Variants in EML6 observed in about 807,000 individuals in gnomAD.
EML6 encodes echinoderm microtubule-associated protein-like 6.
Under a neutral mutation model 240.1 loss-of-function variants are expected in EML6, and 154 were observed. That is an observed-to-expected ratio of 0.64 (90% CI 0.56 to 0.73). The LOEUF (loss-of-function observed/expected upper bound fraction) is 0.73. Among genes scored for constraint, EML6 ranks in the 30% least tolerant of loss-of-function variants. The probability of loss-of-function intolerance (pLI) is 0.00; values close to 1 mark genes in which losing one functional copy is unlikely to be tolerated. For missense variants in EML6, 2,964 were observed against 2,474.6 expected (o/e 1.20, Z -4.20); for synonymous variants, 1,148 against 899.0 (o/e 1.28, Z -4.95).
chr2:54,825,234 C>G (rs1431051907), intron 5 of EML6, among the ~76,000 whole-genome samples: 1 of 152,162 alleles, frequency 6.6e-6, no homozygotes, highest in Non-Finnish European at 1.5e-5. Context: ...AGGGAACTGT[C>G]TGCCTTAAGC....
intron 17 of EML6, among the ~76,000 whole-genome samples, chr2:54,885,902 C>A (rs772117195): frequency 6.6e-6 from 1 of 152,126 alleles, no homozygotes; most frequent in Non-Finnish European, 1.5e-5. Flanking sequence ...TGAGCCACCA[C>A]GTCCAGCCCA....
At chr2:54,897,371 G>C (rs1178728555) in intron 21 of EML6, among the ~76,000 whole-genome samples, 1 of 152,080 alleles carries the variant, frequency 6.6e-6, no homozygotes, top group African/African-American at 2.4e-5. Context: ...ATCATATATT[G>C]AGCACCTACT....
At chr2:54,777,264 GT>G (rs1189046459) in intron 2 of EML6, among the ~76,000 whole-genome samples, 5 of 152,128 alleles carry the variant, frequency 3.3e-5, no homozygotes. Flanking sequence ...ATTATTTAGG[GT>G]GGGGGTGGAG....
intron 25 of EML6, among the ~76,000 whole-genome samples, chr2:54,913,515 G>C (rs1384503540): frequency 6.6e-6 from 1 of 151,992 alleles, no homozygotes; most frequent in Non-Finnish European, 1.5e-5. Flanking sequence ...TTTTTTGCCT[G>C]TTGACTTAAG....
chr2:54,900,705 G>A (rs1009686617), intron 22 of EML6, among the ~76,000 whole-genome samples: 1 of 152,162 alleles, frequency 6.6e-6, no homozygotes, highest in Non-Finnish European at 1.5e-5. Flanking sequence ...AGTGCTCCCC[G>A]TTGGCCAAAG....
chr2:54,915,614 AAC>A (rs960634632), intron 25 of EML6, among the ~76,000 whole-genome samples: 8 of 152,118 alleles, frequency 5.3e-5, no homozygotes, highest in Non-Finnish European at 1.0e-4. Context: ...CTCCAAAAGA[AAC>A]ACACAAGATT....
chr2:54,734,499 A>G (rs941363185), intron 2 of EML6, among the ~76,000 whole-genome samples: 16 of 152,252 alleles, frequency 1.1e-4, no homozygotes, highest in African/African-American at 2.9e-4. Context: ...CAGTGCTACT[A>G]TTAAGGGTTT....
chr2:54,935,913 C>G (rs966603871), intron 28 of EML6, among the ~76,000 whole-genome samples: 1 of 151,972 alleles, frequency 6.6e-6, no homozygotes, highest in Non-Finnish European at 1.5e-5. Flanking sequence ...TCTTATAATC[C>G]CAGCTACTCA....
Position 54,744,306 on chromosome 2 carries a change from G to A in EML6, c.197+19048G>A, listed in dbSNP as rs561403717. Among the ~76,000 whole-genome samples, 156 of 152,216 alleles carry A rather than the reference G, an allele frequency of 1.0e-3. 1 individual carries two copies. The highest frequency in any genetic ancestry group is 3.4e-3 in the African/African-American group (143 of 41,522). On this transcript the variant is annotated intron_variant, in intron 2 of 41. Transcript: ENST00000356458. ...AACAAGAGCTGGCTGAGTGCCTAAG[G>A]GGCCAGAGGAAGGGATGTAAACCCA...
rs573368250 is a variant in EML6, at chr2:54,884,430, A to T, written c.2438+4790A>T. Among the ~76,000 whole-genome samples, 3 of 152,258 alleles carry T rather than the reference A, an allele frequency of 2.0e-5. No homozygotes were observed. In the South Asian group the frequency reaches 6.2e-4, roughly 32 times the overall value. On this transcript the variant is annotated intron_variant, in intron 17 of 41. Coordinates refer to ENST00000356458, the MANE Select transcript of EML6 (RefSeq NM_001039753.4). ...TTGGTTTACCAACTGGCGATGGGTG[A>T]GCAACTTATCTTTTGATCCCTCTCC...
At chr2:54,968,305 C>T in intron 40 of EML6, 24 bp downstream of exon 40, 1 of 1,551,148 alleles carries the variant, frequency 6.4e-7, no homozygotes. Flanking sequence ...AGAGTAACCT[C>T]CCTGCAGGTT....
intron 28 of EML6, among the ~76,000 whole-genome samples, chr2:54,945,757 T>C (rs1179726587): frequency 1.3e-5 from 2 of 152,230 alleles, no homozygotes; most frequent in African/African-American, 2.4e-5. Context: ...TACCCAGGCA[T>C]TGGCCTGCCT....
intron 2 of EML6, among the ~76,000 whole-genome samples, chr2:54,793,780 T>C (rs970981927): frequency 9.2e-5 from 14 of 152,106 alleles, no homozygotes; most frequent in Non-Finnish European, 1.6e-4. Context: ...GGGGCAGCAG[T>C]GGCAGAACTT....
chr2:54,787,410 A>G (rs529605148), intron 2 of EML6, among the ~76,000 whole-genome samples: 1 of 152,200 alleles, frequency 6.6e-6, no homozygotes, highest in South Asian at 2.1e-4. Context: ...AATTGTAGTC[A>G]TACAGACCTA....
chr2:54,824,608 C>G (rs892077986), intron 5 of EML6, among the ~76,000 whole-genome samples: 3 of 152,116 alleles, frequency 2.0e-5, no homozygotes, highest in Non-Finnish European at 2.9e-5. Context: ...TGTAAATCCC[C>G]TATGTTTTGG....
rs116577835 is a variant in EML6, at chr2:54,896,343, A to G, written c.2982+943A>G. On this transcript the variant is annotated intron_variant, in intron 21 of 41. Transcript: ENST00000356458. Reference sequence around the variant, plus strand: ...GCCCCTTTGGAATGTGGGCCTCACTATAGTCTCAGCCTTGGTCCACATAAG... The same window carrying G: ...GCCCCTTTGGAATGTGGGCCTCACTGTAGTCTCAGCCTTGGTCCACATAAG... 3.8e-3 allele frequency among the ~76,000 whole-genome samples: 581 copies of G among 152,266 alleles called. 5 individuals carry two copies. The highest frequency in any genetic ancestry group is 0.014 in the Middle Eastern group (4 of 294).
intron 22 of EML6, among the ~76,000 whole-genome samples, chr2:54,902,621 A>C (rs1673118022): frequency 6.6e-6 from 1 of 151,708 alleles, no homozygotes. Context: ...CTGGTCTTGA[A>C]CTCCAGGGCT....
chr2:54,933,417 C>A (rs1346072788), intron 28 of EML6, among the ~76,000 whole-genome samples: 1 of 152,142 alleles, frequency 6.6e-6, no homozygotes, highest in Non-Finnish European at 1.5e-5. Flanking sequence ...TATATATTCT[C>A]TTAAAATGGC....
intron 2 of EML6, among the ~76,000 whole-genome samples, chr2:54,802,618 A>ATACTACTACTAC (rs56119525): frequency 0.054 from 7,594 of 139,876 alleles, 255 homozygotes; most frequent in Middle Eastern, 0.088. Flanking sequence ...ACCCTGTCTC[A>ATACTACTACTAC]TACTACTACT....
Sources: allele counts gnomAD v4.1 joint callset (sites outside exome capture counted in the v4.1 genomes callset), GRCh38; gene constraint gnomAD v4.1.1; transcripts MANE v1.5; gene names NCBI Gene and HGNC (gene_info 2026-07-23, HGNC 2026-07-21).